Variants in NTM observed in about 807,000 individuals in gnomAD.
NTM encodes the protein IgLON family member 2.
In NTM, 13 loss-of-function variants were observed where a neutral mutation model predicts 42.1. The observed-to-expected ratio is 0.31, with a 90% CI of 0.20 to 0.49. The LOEUF (loss-of-function observed/expected upper bound fraction) is 0.49. Ranked by LOEUF, NTM falls within the 20% of genes least tolerant of loss-of-function variation. NTM has a pLI of 0.99. For missense variants in NTM, 373 were observed against 452.8 expected (o/e 0.82, Z 1.60); for synonymous variants, 187 against 179.2 (o/e 1.04, Z -0.35).
chr11:131,747,692 CA>C (rs1340799805), intron 1 of NTM, among the ~76,000 whole-genome samples: 1 of 152,170 alleles, frequency 6.6e-6, no homozygotes, highest in Non-Finnish European at 1.5e-5. Flanking sequence ...AGCCTTGTAT[CA>C]CATGACTTCT....
At chr11:131,401,810 A>ATATATATATATATATGTG (rs1945180626) in intron 1 of NTM, among the ~76,000 whole-genome samples, 2 of 13,956 alleles carry the variant, frequency 1.4e-4, no homozygotes, top group African/African-American at 7.7e-4. Flanking sequence ...ATATATATAT[A>ATATATATATATATATGTG]TATATATATA....
At chr11:131,501,524 G>A (rs1364411441) in intron 1 of NTM, among the ~76,000 whole-genome samples, 1 of 152,148 alleles carries the variant, frequency 6.6e-6, no homozygotes, top group Non-Finnish European at 1.5e-5. Context: ...TGAGCATACT[G>A]GGAGCTACTG....
intron 1 of NTM, among the ~76,000 whole-genome samples, chr11:131,409,161 G>A (rs1436612983): frequency 6.6e-6 from 1 of 152,206 alleles, no homozygotes; most frequent in Non-Finnish European, 1.5e-5. Context: ...CAACTAACAG[G>A]CAGGTGTACA....
At position 131,819,211 on chromosome 11, in the gene NTM, TG is replaced by T. The variant is rs1267455207; in HGVS notation, c.83-92349del. On this transcript the variant is annotated intron_variant, in intron 1 of 8. Transcript: ENST00000683400. ...ACCCTCTAGTTCAAAACTTCTCTACTGGGGAGACCTTGTAGTTCAAAGCTTC... is the reference window on the plus strand; with the variant it reads ...ACCCTCTAGTTCAAAACTTCTCTACTGGGAGACCTTGTAGTTCAAAGCTTC... 4.6e-5 allele frequency among the ~76,000 whole-genome samples: 7 copies of T among 152,228 alleles called. No individual in the cohort carries two copies. In the East Asian group the frequency reaches 1.4e-3, roughly 29 times the overall value.
Position 132,131,183 on chromosome 11 carries a change from A to G in NTM, c.168-15099A>G, listed in dbSNP as rs78192938. ...TCTAGTGGCATAGCTCACATGTGCT[A>G]TAGATGCACGCGTGTTATGCTTCTG... On this transcript the variant is annotated intron_variant, in intron 2 of 8. Transcript: ENST00000683400. Among the ~76,000 whole-genome samples, 1,289 of 152,306 alleles carry G rather than the reference A, an allele frequency of 8.5e-3. 17 individuals are homozygous for G. The highest frequency in any genetic ancestry group is 0.028 in the African/African-American group (1,179 of 41,574).
At chr11:132,235,993 G>A (rs867401893) in intron 4 of NTM, among the ~76,000 whole-genome samples, 2 of 101,200 alleles carry the variant, frequency 2.0e-5, no homozygotes, top group Non-Finnish European at 4.8e-5. Flanking sequence ...CACACACACA[G>A]ACACACACAC....
intron 2 of NTM, among the ~76,000 whole-genome samples, chr11:132,114,982 C>T (rs1043121681): frequency 2.6e-4 from 40 of 152,290 alleles, no homozygotes; most frequent in African/African-American, 9.4e-4. Context: ...ATTGCTAGAT[C>T]CCATGGTAAC....
chr11:131,994,489 A>G (rs2067620601), intron 2 of NTM, among the ~76,000 whole-genome samples: 1 of 152,220 alleles, frequency 6.6e-6, no homozygotes, highest in African/African-American at 2.4e-5. Context: ...CACAAAATAC[A>G]TGCTGGGACA....
At chr11:132,008,782 C>T (rs535602304) in intron 2 of NTM, among the ~76,000 whole-genome samples, 2 of 151,622 alleles carry the variant, frequency 1.3e-5, no homozygotes, top group South Asian at 4.2e-4. Context: ...GTTATCTGAC[C>T]GTTTGATTTC....
chr11:131,604,880 G>T (rs1398451493), intron 1 of NTM, among the ~76,000 whole-genome samples: 1 of 128,678 alleles, frequency 7.8e-6, no homozygotes, highest in East Asian at 2.6e-4. Flanking sequence ...TATATGTGAG[G>T]GTTTTTTTTT....
chr11:131,757,060 C>T (rs928843401), intron 1 of NTM, among the ~76,000 whole-genome samples: 4 of 152,180 alleles, frequency 2.6e-5, no homozygotes, highest in African/African-American at 9.6e-5. Flanking sequence ...GCAGGGGCAG[C>T]CTGTCTTTGG....
At chr11:132,163,976 A>C (rs1256333699) in intron 3 of NTM, among the ~76,000 whole-genome samples, 1 of 152,186 alleles carries the variant, frequency 6.6e-6, no homozygotes, top group Admixed American at 6.5e-5. Context: ...ATGGGAAAAC[A>C]TGAAACTGAA....
chr11:132,208,045 G>T (rs1425976264), intron 3 of NTM, among the ~76,000 whole-genome samples: 1 of 152,218 alleles, frequency 6.6e-6, no homozygotes, highest in Middle Eastern at 3.2e-3. Context: ...AATGAATATT[G>T]AAGAAGGAGT....
intron 1 of NTM, among the ~76,000 whole-genome samples, chr11:131,374,429 T>A (rs1174104404): frequency 1.3e-5 from 2 of 152,210 alleles, no homozygotes; most frequent in East Asian, 3.9e-4. Context: ...CTGGTCCTGG[T>A]CCTGATTCTT....
intron 4 of NTM, among the ~76,000 whole-genome samples, chr11:132,257,674 C>T (rs1468376644): frequency 2.0e-5 from 3 of 152,312 alleles, no homozygotes; most frequent in South Asian, 2.1e-4. Flanking sequence ...CCCAGATTCT[C>T]ATGAGATAGG....
intron 4 of NTM, among the ~76,000 whole-genome samples, chr11:132,254,392 C>T (rs957972579): frequency 1.3e-5 from 2 of 151,880 alleles, no homozygotes; most frequent in African/African-American, 4.8e-5. Context: ...TCCCCCTCAC[C>T]TTTTCCCATG....
At chr11:132,030,288 T>G (rs2075749447) in intron 2 of NTM, among the ~76,000 whole-genome samples, 1 of 152,178 alleles carries the variant, frequency 6.6e-6, no homozygotes, top group Admixed American at 6.5e-5. Flanking sequence ...ATTTTATTTG[T>G]GTCTAAGCTA....
chr11:131,691,862 C>T lies in NTM; in HGVS notation c.83-219702C>T, dbSNP rs935796144. Among the ~76,000 whole-genome samples, 10 of 152,236 alleles carry T rather than the reference C, an allele frequency of 6.6e-5. No individual in the cohort carries two copies. In the East Asian group the frequency reaches 9.6e-4, roughly 15 times the overall value. On this transcript the variant is annotated intron_variant, in intron 1 of 8. Transcript: ENST00000683400. ...GTCATGTTACTCATTACTCATAACACGAACAAAACAAGACTGCTGGGCGAG... is the reference window on the plus strand; with the variant it reads ...GTCATGTTACTCATTACTCATAACATGAACAAAACAAGACTGCTGGGCGAG...
intron 1 of NTM, among the ~76,000 whole-genome samples, chr11:131,676,740 G>A (rs950048925): frequency 2.0e-5 from 3 of 152,204 alleles, no homozygotes; most frequent in African/African-American, 7.2e-5. Context: ...AATAAAAGTA[G>A]TGTATTGAAC....
Sources: allele counts gnomAD v4.1 joint callset (sites outside exome capture counted in the v4.1 genomes callset), GRCh38; gene constraint gnomAD v4.1.1; transcripts MANE v1.5; gene names NCBI Gene and HGNC (gene_info 2026-07-23, HGNC 2026-07-21).